CACNA1E: variants seen among roughly 807,000 people sequenced by gnomAD.
The protein encoded by CACNA1E is voltage-dependent R-type calcium channel subunit alpha-1E.
CACNA1E carries 40 observed loss-of-function variants against 259.2 expected under a neutral mutation model. That is an observed-to-expected ratio of 0.15 (90% CI 0.12 to 0.20). The LOEUF is 0.20. Among genes scored for constraint, CACNA1E ranks in the 10% least tolerant of loss-of-function variants. The pLI, the probability that CACNA1E is intolerant of heterozygous loss-of-function variation, is 1.00. For synonymous variants in CACNA1E, 1,104 were observed against 1,138.5 expected (o/e 0.97, Z 0.61); for missense variants, 1,874 against 3,040.1 (o/e 0.62, Z 9.02).
intron 1 of CACNA1E, among the ~76,000 whole-genome samples, chr1:181,328,953 C>G (rs1027565661): frequency 6.6e-6 from 1 of 152,190 alleles, no homozygotes; most frequent in Admixed American, 6.5e-5. Context: ...CCAGCTCAGA[C>G]CTCTCTCCTA....
chr1:181,651,611 A>G (rs778414697), intron 7 of CACNA1E, 170 bp downstream of exon 7: 41 of 557,190 alleles, frequency 7.4e-5, no homozygotes, highest in Non-Finnish European at 1.2e-4. Flanking sequence ...GTAGTGAACC[A>G]TCATTCTAAT....
At chr1:181,430,822 C>A (rs1181126567) in intron 2 of CACNA1E, among the ~76,000 whole-genome samples, 3 of 152,122 alleles carry the variant, frequency 2.0e-5, no homozygotes, top group Admixed American at 1.3e-4. Flanking sequence ...AGGCTGAGTC[C>A]TGGGATAGTT....
At chr1:181,762,111 A>G (rs1373365549) in intron 32 of CACNA1E, among the ~76,000 whole-genome samples, 1 of 152,178 alleles carries the variant, frequency 6.6e-6, no homozygotes, top group Non-Finnish European at 1.5e-5. Flanking sequence ...AGGGCACTTG[A>G]CGCAATAGAG....
chr1:181,433,856 A>G (rs1232198207), intron 2 of CACNA1E, among the ~76,000 whole-genome samples: 3 of 152,260 alleles, frequency 2.0e-5, no homozygotes, highest in African/African-American at 7.2e-5. Context: ...TTATGTCACC[A>G]TTAAGCTAGG....
intron 43 of CACNA1E, among the ~76,000 whole-genome samples, chr1:181,788,501 AAG>A (rs1169776973): frequency 6.6e-6 from 1 of 152,226 alleles, no homozygotes; most frequent in East Asian, 1.9e-4. Flanking sequence ...AAGTGCTAGA[AAG>A]AGTTTACAGA....
Position 181,772,165 on chromosome 1 carries a change from C to T in CACNA1E, c.5073C>T (p.Asn1691=), listed in dbSNP as rs199930. 397,347 of 1,613,176 alleles carry T rather than the reference C, an allele frequency of 0.25. 50,507 individuals are homozygous for T. Among genetic ancestry groups the T allele is most frequent in the South Asian group, 0.34 (31,166 of 90,992 alleles). The change falls in exon 37 of 48, where the codon AAC becomes AAT. Residue 1691 remains asparagine, a synonymous_variant. Coordinates refer to ENST00000367573, the MANE Select transcript of CACNA1E (RefSeq NM_001205293.3). ...DTTAPSGQNE[N]ERCGTDLAYV... The stretch of plus-strand genomic sequence containing the variant: ...CCGCACCATCAGGGCAGAACGAGAA[C>T]GAACGCTGCGGCACCGATCTGGCCT...
chr1:181,746,892 C>T (rs559799987), intron 25 of CACNA1E, among the ~76,000 whole-genome samples: 116 of 152,222 alleles, frequency 7.6e-4, no homozygotes, highest in African/African-American at 2.5e-3. Context: ...TATTATTAAC[C>T]GCCTTAACTT....
chr1:181,741,458 A>G (rs924711511), intron 25 of CACNA1E, among the ~76,000 whole-genome samples: 1 of 152,230 alleles, frequency 6.6e-6, no homozygotes, highest in African/African-American at 2.4e-5. Flanking sequence ...CTCTTATCAC[A>G]TCATGAAATC....
At chr1:181,481,797 C>T (rs1663269722), upstream of CACNA1E, among the ~76,000 whole-genome samples, 1 of 151,750 alleles carries the variant, frequency 6.6e-6, no homozygotes, top group South Asian at 2.1e-4. Context: ...TTGGAGTCCA[C>T]CTTTCCCACC....
chr1:181,680,147 T>C (rs1649806312), intron 7 of CACNA1E, among the ~76,000 whole-genome samples: 1 of 139,730 alleles, frequency 7.2e-6, no homozygotes, highest in Admixed American at 7.2e-5. Context: ...GTCCCCAATC[T>C]CAGCAGCTAG....
intron 1 of CACNA1E, among the ~76,000 whole-genome samples, chr1:181,388,613 G>C (rs1476350319): frequency 2.0e-5 from 3 of 152,178 alleles, no homozygotes; most frequent in Non-Finnish European, 4.4e-5. Context: ...TATAAGCCGG[G>C]CACGGTGACT....
At chr1:181,341,794 A>G (rs1281787870) in intron 1 of CACNA1E, among the ~76,000 whole-genome samples, 3 of 152,268 alleles carry the variant, frequency 2.0e-5, no homozygotes, top group South Asian at 2.1e-4. Context: ...TTACATGGCT[A>G]TTTTTCCTGG....
intron 6 of CACNA1E, among the ~76,000 whole-genome samples, chr1:181,597,931 C>T (rs1283055512): frequency 6.6e-6 from 1 of 152,202 alleles, no homozygotes; most frequent in East Asian, 1.9e-4. Flanking sequence ...GGCTTCCTCC[C>T]ACGACACGTG....
At chr1:181,397,971 G>A (rs1656814981) in intron 1 of CACNA1E, among the ~76,000 whole-genome samples, 1 of 152,220 alleles carries the variant, frequency 6.6e-6, no homozygotes, top group Admixed American at 6.5e-5. Flanking sequence ...CCTGTAACAG[G>A]AACAAATCAA....
At chr1:181,788,432 C>A (rs1319374801) in intron 43 of CACNA1E, among the ~76,000 whole-genome samples, 1 of 152,158 alleles carries the variant, frequency 6.6e-6, no homozygotes, top group East Asian at 1.9e-4. Flanking sequence ...AGACATTAAA[C>A]AGAGGATTAT....
chr1:181,633,019 G>T (rs1656884979), intron 6 of CACNA1E, among the ~76,000 whole-genome samples: 1 of 152,090 alleles, frequency 6.6e-6, no homozygotes, highest in Non-Finnish European at 1.5e-5. Flanking sequence ...ACTATCTTAG[G>T]TTGGTTTCCC....
chr1:181,435,229 G>A (rs1478588561), intron 2 of CACNA1E, among the ~76,000 whole-genome samples: 3 of 152,150 alleles, frequency 2.0e-5, no homozygotes, highest in Non-Finnish European at 4.4e-5. Context: ...ACTAATCTAG[G>A]TTTTAAAAAA....
At chr1:181,416,907 G>T (rs637552) in intron 2 of CACNA1E, among the ~76,000 whole-genome samples, 10,642 of 152,066 alleles carry the variant, frequency 0.07, 703 homozygotes, top group African/African-American at 0.17. Context: ...TCAGCTGCTG[G>T]CAGTTCTTAG....
At chr1:181,505,721 T>C (rs983287101) in intron 1 of CACNA1E, among the ~76,000 whole-genome samples, 4 of 152,120 alleles carry the variant, frequency 2.6e-5, no homozygotes, top group African/African-American at 9.7e-5. Flanking sequence ...TGTATGCTGG[T>C]TTATTTTCTT....
Sources: allele counts gnomAD v4.1 joint callset (sites outside exome capture counted in the v4.1 genomes callset), GRCh38; gene constraint gnomAD v4.1.1; transcripts MANE v1.5; gene names NCBI Gene and HGNC (gene_info 2026-07-23, HGNC 2026-07-21).